Variants in WDR7 observed in about 807,000 individuals in gnomAD.
The protein encoded by WDR7 is WD repeat domain 7.
WDR7 carries 46 observed loss-of-function variants against 169.4 expected under a neutral mutation model. The ratio of observed to expected loss-of-function variants is 0.27; its 90% CI spans 0.21 to 0.35. The LOEUF is 0.35. Among genes scored for constraint, WDR7 ranks in the 10% least tolerant of loss-of-function variants. The pLI, the probability that WDR7 is intolerant of heterozygous loss-of-function variation, is 1.00. For missense variants in WDR7, 1,534 were observed against 1,859.3 expected (o/e 0.83, Z 3.22); for synonymous variants, 612 against 666.8 (o/e 0.92, Z 1.27).
At chr18:56,760,108 A>T (rs1375651546) in intron 16 of WDR7, among the ~76,000 whole-genome samples, 1 of 152,226 alleles carries the variant, frequency 6.6e-6, no homozygotes, top group Admixed American at 6.5e-5. Context: ...AAGTTTTATA[A>T]TAGTTTTGGT....
intron 12 of WDR7, among the ~76,000 whole-genome samples, chr18:56,713,478 C>G (rs1010772240): frequency 3.3e-5 from 5 of 152,038 alleles, no homozygotes; most frequent in Admixed American, 2.6e-4. Flanking sequence ...GAACACATTT[C>G]AAAATTATTT....
intron 25 of WDR7, among the ~76,000 whole-genome samples, chr18:56,958,739 T>C (rs1017551324): frequency 9.9e-5 from 15 of 152,162 alleles, no homozygotes; most frequent in Admixed American, 7.9e-4. Context: ...TTTCTTGATT[T>C]CTGCCATTTT....
intron 19 of WDR7, among the ~76,000 whole-genome samples, chr18:56,792,782 A>G (rs938671832): frequency 2.0e-4 from 31 of 152,072 alleles, no homozygotes; most frequent in African/African-American, 7.2e-4. Flanking sequence ...ACACACACAC[A>G]CACACACACA....
rs371291452 is a variant in WDR7, at chr18:57,028,914, A to G, written c.*1707A>G. On this transcript the variant is annotated 3_prime_UTR_variant, in exon 28 of 28. Coordinates refer to ENST00000254442, the MANE Select transcript of WDR7 (RefSeq NM_015285.3). ...TATGTAGTTTCCAAGGAAGAAACAA[A>G]GACCTATACAGTTTAGACTTTATTT... is the stretch of plus-strand genomic sequence containing the variant. The G allele has an allele frequency of 2.1e-4, 32 of 152,806 alleles. No individual in the cohort carries two copies. Among genetic ancestry groups the G allele is most frequent in the African/African-American group, 7.2e-4 (30 of 41,586 alleles). The allele number at this position is 152,806 out of a possible 1,614,324, so 9.5% of individuals were successfully genotyped here.
chr18:56,730,430 T>C (rs2026557301), intron 13 of WDR7, among the ~76,000 whole-genome samples: 2 of 152,038 alleles, frequency 1.3e-5, no homozygotes, highest in African/African-American at 2.4e-5. Context: ...AAGAAATGCA[T>C]AGATGGAGAT....
intron 26 of WDR7, among the ~76,000 whole-genome samples, chr18:57,018,443 G>A (rs977135795): frequency 6.6e-6 from 1 of 152,214 alleles, no homozygotes; most frequent in African/African-American, 2.4e-5. Flanking sequence ...TGGTACACAG[G>A]TCTTCTTTTG....
chr18:56,945,863 C>T (rs990334852), intron 25 of WDR7, among the ~76,000 whole-genome samples: 1 of 152,072 alleles, frequency 6.6e-6, no homozygotes, highest in Non-Finnish European at 1.5e-5. Flanking sequence ...TTCTCTGTGG[C>T]CATGTTGTGT....
At chr18:56,791,130 A>C (rs1372309816) in intron 19 of WDR7, among the ~76,000 whole-genome samples, 4 of 152,046 alleles carry the variant, frequency 2.6e-5, no homozygotes, top group African/African-American at 9.7e-5. Context: ...TCCATGCTAT[A>C]ATCACAGGGT....
intron 24 of WDR7, among the ~76,000 whole-genome samples, chr18:56,938,985 G>T (rs1306167136): frequency 2.0e-5 from 3 of 152,028 alleles, no homozygotes; most frequent in Non-Finnish European, 2.9e-5. Flanking sequence ...AATATGTAAA[G>T]GTTATGTTCC....
the WDR7 span, chr18:57,035,877 C>T: frequency 6.6e-6 from 1 of 152,132 alleles, no homozygotes; most frequent in Non-Finnish European, 1.5e-5. Flanking sequence ...CAAAAGAAAT[C>T]GAAAATGGAT....
At position 56,758,845 on chromosome 18, in the gene WDR7, T is replaced by C. The variant is rs2043938900; in HGVS notation, c.2760-20T>C. 1 of 1,582,758 alleles carries C rather than the reference T, an allele frequency of 6.3e-7. No homozygotes were observed. ...TGACAGTATCAAAATATATCTTGTA[T>C]TTTTTTCTTCTTTTTTAAGGCCACC... On this transcript the variant is annotated intron_variant, in intron 15 of 27. Transcript: ENST00000254442.
intron 20 of WDR7, among the ~76,000 whole-genome samples, chr18:56,856,818 T>C (rs1012505067): frequency 1.8e-4 from 28 of 152,234 alleles, no homozygotes; most frequent in African/African-American, 6.7e-4. Context: ...CCTCCTCCCC[T>C]AGTTTGTTTT....
intron 7 of WDR7, among the ~76,000 whole-genome samples, chr18:56,688,102 G>C (rs534602197): frequency 5.2e-4 from 79 of 152,284 alleles, no homozygotes; most frequent in African/African-American, 1.9e-3. Context: ...GCAGTAAAGG[G>C]ATGAATAACT....
chr18:56,884,914 G>A (rs1248469125), intron 21 of WDR7, among the ~76,000 whole-genome samples: 1 of 152,246 alleles, frequency 6.6e-6, no homozygotes, highest in Non-Finnish European at 1.5e-5. Flanking sequence ...CTCCACTGGA[G>A]TGGGTGCTGG....
At position 56,696,317 on chromosome 18, in the gene WDR7, C is replaced by T; in HGVS notation, c.1433C>T (p.Ala478Val). Residue 478 changes from alanine (A) to valine (V), a missense_variant, in exon 12 of 28, where the codon GCT becomes GTT. Physicochemically the swap from Ala to Val is moderately conservative, Grantham distance 64 (BLOSUM62 0). Coordinates refer to ENST00000254442, the MANE Select transcript of WDR7 (RefSeq NM_015285.3). ...TCLLYPHQVS[A>V]RYDQRYLISG... ...TTGCTATATCCTCATCAGGTCTCAG[C>T]TCGGTATGATCAAAGATACCTGATA... The T allele has an allele frequency of 6.2e-7, 1 of 1,614,160 alleles. No homozygotes were observed. Among genetic ancestry groups the T allele is most frequent in the Admixed American group, 1.7e-5 (1 of 60,020 alleles).
Position 57,028,053 on chromosome 18 carries a change from A to G in WDR7, c.*846A>G, listed in dbSNP as rs1270100124. 1 of 152,224 alleles carries G rather than the reference A, an allele frequency of 6.6e-6. No individual in the cohort carries two copies. Among genetic ancestry groups the G allele is most frequent in the Non-Finnish European group, 1.5e-5 (1 of 68,036 alleles). 9.4% of individuals were successfully genotyped at this position (152,224 alleles called of 1,614,324 possible). The stretch of plus-strand genomic sequence containing the variant: ...AGAAGCATAGCGTGTACCGAAAATG[A>G]AGACTCTCCTATCTACTGCTACAGA... On this transcript the variant is annotated 3_prime_UTR_variant, in exon 28 of 28. Coordinates refer to ENST00000254442, the MANE Select transcript of WDR7 (RefSeq NM_015285.3).
At position 56,988,702 on chromosome 18, in the gene WDR7, T is replaced by A. The variant is rs531001419; in HGVS notation, c.4164+26173T>A. 8.6e-5 allele frequency among the ~76,000 whole-genome samples: 13 copies of A among 151,914 alleles called. 1 individual carries two copies. The highest frequency in any genetic ancestry group is 3.1e-4 in the African/African-American group (13 of 41,444). On this transcript the variant is annotated intron_variant, in intron 26 of 27. Transcript: ENST00000254442. ...TCCAATAAAAAAAATTGGGCATTCT[T>A]ATAAATTCAGAAGAAGCATGGTTGT...
At chr18:56,865,227 A>G (rs1419979763) in intron 20 of WDR7, among the ~76,000 whole-genome samples, 1 of 152,062 alleles carries the variant, frequency 6.6e-6, no homozygotes. Context: ...GCTAATGATT[A>G]TTTAATGACA....
At chr18:56,966,278 C>G (rs1311814600) in intron 26 of WDR7, among the ~76,000 whole-genome samples, 1 of 151,982 alleles carries the variant, frequency 6.6e-6, no homozygotes, top group Non-Finnish European at 1.5e-5. Flanking sequence ...AAAGTTACGT[C>G]AAGTGTGCCT....
Sources: gnomAD v4.1 joint callset for allele counts (sites outside exome capture counted in the v4.1 genomes callset) on GRCh38, gnomAD v4.1.1 for gene constraint, MANE v1.5 for transcripts, NCBI Gene and HGNC (gene_info 2026-07-23, HGNC 2026-07-21) for gene names.